Variants in CNOT11 observed in about 807,000 individuals in gnomAD.
CNOT11 encodes UPF0760 protein C2orf29.
In CNOT11, 18 loss-of-function variants were observed where a neutral mutation model predicts 44.6. That is an observed-to-expected ratio of 0.40 (90% confidence interval 0.28 to 0.60). The LOEUF (loss-of-function observed/expected upper bound fraction) is 0.60, where lower values mean the gene tolerates loss of function less well. Among genes scored for constraint, CNOT11 ranks in the 20% least tolerant of loss-of-function variants. CNOT11 has a pLI of 0.38. For missense variants in CNOT11, 513 were observed against 677.0 expected (o/e 0.76, Z 2.69); for synonymous variants, 291 against 270.9 (o/e 1.07, Z -0.73).
rs1467159455 is a variant in CNOT11, at chr2:101,253,359, G to A, written c.395G>A (p.Trp132Ter). Residue 132 changes from tryptophan to a stop codon, truncating the protein, a stop_gained, in exon 1 of 7, where the codon TGG (tryptophan) becomes TAG (stop). Transcript: ENST00000289382. LOFTEE classifies it high-confidence loss of function. This position sits in a 1 kb window ranked among gnomAD's most constrained non-coding sequence, Gnocchi z 4.3. ...CGCCTCACGGCGCTCTACCTGCTCT[G>A]GGAGATGTACCGCACCGAGCCGCTG... is the stretch of plus-strand genomic sequence containing the variant. ...AQRLTALYLL[W>*]EMYRTEPLAA... is the part of the protein sequence containing the mutation. 1 of 1,601,038 alleles carries A rather than the reference G, an allele frequency of 6.2e-7. No homozygotes were observed. Among genetic ancestry groups the A allele is most frequent in the Non-Finnish European group, 8.5e-7 (1 of 1,178,996 alleles).
At chr2:101,264,008 G>A (rs1170919152) in intron 3 of CNOT11, among the ~76,000 whole-genome samples, 1 of 152,186 alleles carries the variant, frequency 6.6e-6, no homozygotes, top group Non-Finnish European at 1.5e-5. Context: ...AGAGGCAGTG[G>A]AGATGTTTAA....
At chr2:101,265,535 CTT>C (rs1288453480) in intron 4 of CNOT11, among the ~76,000 whole-genome samples, 1 of 152,082 alleles carries the variant, frequency 6.6e-6, no homozygotes, top group African/African-American at 2.4e-5. Flanking sequence ...TTGTTCTACT[CTT>C]TGGTAATTTT....
In CNOT11 at chr2:101,269,748, A is replaced by C. The variant is rs1163570975; in HGVS notation, c.*335A>C. 1.6e-5 allele frequency: 3 copies of C among 188,954 alleles called. No homozygotes were observed. The highest frequency in any genetic ancestry group is 3.3e-5 in the Non-Finnish European group (3 of 91,974). The allele number at this position is 188,954 out of a possible 1,614,324, so 11.7% of individuals were successfully genotyped here. On this transcript the variant is annotated 3_prime_UTR_variant, in exon 7 of 7. Coordinates refer to ENST00000289382, the MANE Select transcript of CNOT11 (RefSeq NM_017546.5). This position sits in a 1 kb window ranked among gnomAD's most constrained non-coding sequence, Gnocchi z 4.8. The stretch of plus-strand genomic sequence containing the variant: ...TTTCATTAATACAGGCTTCTGATGA[A>C]CCAGGAATCCTGTTTTCGTAAAGTT...
At chr2:101,254,626 A>G (rs534571665) in intron 1 of CNOT11, among the ~76,000 whole-genome samples, 23 of 152,266 alleles carry the variant, frequency 1.5e-4, no homozygotes, top group Non-Finnish European at 2.8e-4. Context: ...CACGCCTATA[A>G]TCCCAGCACT....
At chr2:101,254,083 G>T (rs1573195632) in intron 1 of CNOT11, among the ~76,000 whole-genome samples, 2 of 152,148 alleles carry the variant, frequency 1.3e-5, no homozygotes, top group East Asian at 3.9e-4. Flanking sequence ...CTATTGTGTG[G>T]CATTGGTGAG....
intron 2 of CNOT11, among the ~76,000 whole-genome samples, chr2:101,258,991 G>A (rs879415925): frequency 1.2e-4 from 18 of 151,922 alleles, no homozygotes; most frequent in Admixed American, 7.2e-4. Context: ...AAACTTAGCC[G>A]GGCGTGGTGG....
At chr2:101,268,054 T>A (rs1338527689) in intron 5 of CNOT11, among the ~76,000 whole-genome samples, 1 of 152,008 alleles carries the variant, frequency 6.6e-6, no homozygotes, top group Non-Finnish European at 1.5e-5. Context: ...GCTGAGGGAG[T>A]GGAAGTACGT....
chr2:101,267,154 ACT>A (rs1162055290), intron 5 of CNOT11, among the ~76,000 whole-genome samples: 5 of 151,986 alleles, frequency 3.3e-5, no homozygotes, highest in African/African-American at 7.3e-5. Flanking sequence ...AGGGAGTCTC[ACT>A]CTGTTGCCCA....
chr2:101,268,082 G>A (rs1394827212), intron 5 of CNOT11, among the ~76,000 whole-genome samples: 3 of 152,208 alleles, frequency 2.0e-5, no homozygotes, highest in Admixed American at 6.5e-5. Flanking sequence ...AGGAGAGTGC[G>A]TTCTTTTAGC....
intron 5 of CNOT11, among the ~76,000 whole-genome samples, chr2:101,267,231 TCCTG>T (rs1682008195): frequency 1.3e-5 from 2 of 151,712 alleles, no homozygotes; most frequent in Admixed American, 6.6e-5. Context: ...CAAGCAATTC[TCCTG>T]CCTTAGCCGC....
intron 1 of CNOT11, among the ~76,000 whole-genome samples, chr2:101,257,275 C>A (rs2104362079): frequency 6.6e-6 from 1 of 152,028 alleles, no homozygotes; most frequent in South Asian, 2.1e-4. Context: ...TGCCTGTAAT[C>A]CCAGCTACTT....
In CNOT11 at chr2:101,265,030, T is replaced by G. The variant is rs138065986; in HGVS notation, c.1018T>G (p.Ser340Ala). The change falls in exon 4 of 7, where the codon TCT (serine) becomes GCT (alanine). Residue 340 changes from serine to alanine, a missense_variant. This residue lies in a region of CNOT11 where 140 missense variants were observed against 169.8 expected (regional missense o/e 0.82). Transcript: ENST00000289382. Reference protein sequence around the residue: ...MAKAFKSPLSSPQQTQLLGEL... With the variant: ...MAKAFKSPLSAPQQTQLLGEL... The stretch of plus-strand genomic sequence containing the variant: ...CAAAGCCTTCAAAAGCCCCTTATCC[T>G]CTCCCCAACAAACACAGGTGTGTAT... The G allele has an allele frequency of 7.7e-5, 124 of 1,611,340 alleles. No homozygotes were observed. In the East Asian group the frequency reaches 2.1e-3, roughly 27 times the overall value.
Position 101,269,940 on chromosome 2 carries a change from C to G in CNOT11, c.*527C>G, listed in dbSNP as rs1682073079. 1 of 152,286 alleles carries G rather than the reference C, an allele frequency of 6.6e-6. No individual in the cohort carries two copies. Among genetic ancestry groups the G allele is most frequent in the Admixed American group, 6.5e-5 (1 of 15,284 alleles). 9.4% of individuals were successfully genotyped at this position (152,286 alleles called of 1,614,324 possible). A position where few individuals can be genotyped will look rare whatever the true frequency, so the allele number is the denominator to read the frequency against. On this transcript the variant is annotated 3_prime_UTR_variant, in exon 7 of 7. Coordinates refer to ENST00000289382, the MANE Select transcript of CNOT11 (RefSeq NM_017546.5). This position sits in a 1 kb window ranked among gnomAD's most constrained non-coding sequence, Gnocchi z 4.8. ...CACACAGCTCTTAACTCCTGATGAA[C>G]CAAGGATTTACTCATAACTTTCTCC...
chr2:101,265,140 GC>G, intron 4 of CNOT11, 93 bp downstream of exon 4: 5 of 858,932 alleles, frequency 5.8e-6, no homozygotes, highest in Non-Finnish European at 6.7e-6. Context: ...TCACTCGGCT[GC>G]CCAGGGTGGA....
intron 2 of CNOT11, among the ~76,000 whole-genome samples, chr2:101,260,440 G>C (rs1014742088): frequency 2.6e-5 from 4 of 152,296 alleles, no homozygotes; most frequent in Non-Finnish European, 5.9e-5. Context: ...AGTAAGGGCT[G>C]AGAAGCCTGG....
chr2:101,265,915 T>A (rs561972715), intron 4 of CNOT11, among the ~76,000 whole-genome samples: 1 of 152,322 alleles, frequency 6.6e-6, no homozygotes, highest in Non-Finnish European at 1.5e-5. Flanking sequence ...GTTAGAACTT[T>A]TTAGGAGATG....
intron 5 of CNOT11, among the ~76,000 whole-genome samples, chr2:101,267,124 TATTTA>T (rs1682005930): frequency 1.3e-5 from 2 of 152,142 alleles, no homozygotes; most frequent in Non-Finnish European, 2.9e-5. Context: ...AAATTTATTT[TATTTA>T]TTTATTTTTT....
At chr2:101,262,757 TCA>T in intron 3 of CNOT11, 66 bp downstream of exon 3, 1 of 1,366,342 alleles carries the variant, frequency 7.3e-7, no homozygotes, top group African/African-American at 1.5e-5. Context: ...CTAGGACTTT[TCA>T]GTTTTTGAGA....
intron 2 of CNOT11, among the ~76,000 whole-genome samples, chr2:101,260,524 T>G (rs966265455): frequency 6.6e-6 from 1 of 152,166 alleles, no homozygotes; most frequent in African/African-American, 2.4e-5. Context: ...TCTTCACAAG[T>G]GTAAAGAAAA....
Sources: allele counts gnomAD v4.1 joint callset (sites outside exome capture counted in the v4.1 genomes callset), GRCh38; gene constraint gnomAD v4.1.1; regional missense constraint gnomAD v4.1.1; non-coding constraint Gnocchi (gnomAD v3.1); transcripts MANE v1.5; gene names NCBI Gene and HGNC (gene_info 2026-07-23, HGNC 2026-07-21).